Variants in SPG11 observed in about 807,000 individuals in gnomAD.
SPG11 encodes spatacsin.
SPG11 carries 222 observed loss-of-function variants against 274.0 expected under a neutral mutation model. That is an observed-to-expected ratio of 0.81 (90% CI 0.73 to 0.91). The LOEUF (loss-of-function observed/expected upper bound fraction) is 0.91. SPG11 is among the 40% of genes least tolerant of loss of function. The pLI is 0.00. For missense variants in SPG11, 3,114 were observed against 2,872.7 expected, an observed-to-expected ratio of 1.08 and a Z score of -1.92; for synonymous variants, 1,144 against 1,039.7, an observed-to-expected ratio of 1.10 and a Z score of -1.93.
chr15:44,647,945 C>G (rs577772610), intron 7 of SPG11, among the ~76,000 whole-genome samples: 1 of 152,116 alleles, frequency 6.6e-6, no homozygotes, highest in African/African-American at 2.4e-5. Flanking sequence ...AAGAAACTGG[C>G]ACATAACATT....
chr15:44,611,096 A>AGT, intron 17 of SPG11, 111 bp from the exon 18 acceptor site: 2 of 616,678 alleles, frequency 3.2e-6, no homozygotes, highest in Non-Finnish European at 4.9e-6. Flanking sequence ...CCCAGTAAAA[A>AGT]AAAAAAAAAA....
At chr15:44,621,436 C>A in intron 14 of SPG11, 1 of 324,100 alleles carries the variant, frequency 3.1e-6, no homozygotes, top group Non-Finnish European at 5.9e-6. Flanking sequence ...CCCAGATCCC[C>A]CATATCAGAT....
At chr15:44,643,247 G>T (rs2084508025) in intron 7 of SPG11, among the ~76,000 whole-genome samples, 1 of 151,994 alleles carries the variant, frequency 6.6e-6, no homozygotes, top group Non-Finnish European at 1.5e-5. Flanking sequence ...TCAGCTTCCT[G>T]ATCTATAAAA....
At chr15:44,642,346 C>CA (rs1182400635) in intron 7 of SPG11, among the ~76,000 whole-genome samples, 1 of 110,138 alleles carries the variant, frequency 9.1e-6, no homozygotes, top group Non-Finnish European at 1.7e-5. Context: ...GCCTGGGTGA[C>CA]AGAGTAAGAC....
chr15:44,629,414 A>C (rs1173472629), intron 8 of SPG11, 26 bp from the exon 9 acceptor site: 2 of 1,608,806 alleles, frequency 1.2e-6, no homozygotes, highest in African/African-American at 2.7e-5. Context: ...AGAAATTAAC[A>C]TAAAGAACAC....
chr15:44,578,594 C>T (rs2082594694), intron 30 of SPG11, among the ~76,000 whole-genome samples: 1 of 152,184 alleles, frequency 6.6e-6, no homozygotes, highest in African/African-American at 2.4e-5. Flanking sequence ...TCCTGGACTA[C>T]ACATGTATGG....
chr15:44,610,873 A>G lies in SPG11; in HGVS notation c.3258T>C (p.Ala1086=). Residue 1086 remains alanine, a synonymous_variant, in exon 18 of 40, where the codon GCT becomes GCC. Transcript: ENST00000261866. ...CACCCCCAGGAGAATACATTGTAGT[A>G]GCAAGGGCCAGGAGGGTATGTCCTT... ...LLEGHTLLAL[A]TTMYSPGGVS... 2 of 1,614,100 alleles carry G rather than the reference A, an allele frequency of 1.2e-6. No homozygotes were observed. Among genetic ancestry groups the G allele is most frequent in the Non-Finnish European group, 1.7e-6 (2 of 1,179,986 alleles).
At chr15:44,619,747 G>C (rs2141023361) in intron 15 of SPG11, among the ~76,000 whole-genome samples, 1 of 142,272 alleles carries the variant, frequency 7.0e-6, no homozygotes, top group Non-Finnish European at 1.5e-5. Context: ...TTTTGAGACA[G>C]AGTCTCACTC....
chr15:44,563,387 G>A (rs1326302715), intron 39 of SPG11, 86 bp from the exon 40 acceptor site: 85 of 1,230,108 alleles, frequency 6.9e-5, no homozygotes, highest in Non-Finnish European at 9.7e-5. Context: ...TGCCCAGGCT[G>A]GAGTGCAGAG....
chr15:44,648,789 C>G (rs1458795739), intron 7 of SPG11, 77 bp downstream of exon 7: 1 of 1,499,952 alleles, frequency 6.7e-7, no homozygotes, highest in Admixed American at 1.7e-5. Context: ...TAAATGAATT[C>G]TCTCAAATCC....
intron 27 of SPG11, 59 bp downstream of exon 27, chr15:44,592,272 G>C (rs1260969774): frequency 2.9e-6 from 3 of 1,036,412 alleles, no homozygotes; most frequent in African/African-American, 3.1e-5. Flanking sequence ...AAACAAAAAA[G>C]TCCATGCATG....
chr15:44,663,103 T>C (rs1490064260), intron 1 of SPG11, among the ~76,000 whole-genome samples: 3 of 152,274 alleles, frequency 2.0e-5, no homozygotes, highest in African/African-American at 7.2e-5. Context: ...GCGCCTCAGC[T>C]GAGACCCGTT....
At chr15:44,645,944 C>T (rs1050613181) in intron 7 of SPG11, among the ~76,000 whole-genome samples, 1 of 152,136 alleles carries the variant, frequency 6.6e-6, no homozygotes, top group African/African-American at 2.4e-5. Flanking sequence ...CATCTCACAC[C>T]AGTCAGAATG....
Position 44,570,594 on chromosome 15 carries a change from G to C in SPG11, c.6408C>G (p.Ile2136Met). The change falls in exon 34 of 40, where the codon ATC becomes ATG. Residue 2136 changes from isoleucine (I) to methionine (M), a missense_variant. Transcript: ENST00000261866. The part of the protein sequence containing the change: ...FTLTCHMEGI[I>M]RVLQAAHMLT... The stretch of plus-strand genomic sequence containing the variant: ...GCATGTGGGCGGCCTGTAGGACTCG[G>C]ATGATGCCCTCCATGTGGCACGTCA... The C allele has an allele frequency of 1.2e-6, 2 of 1,614,180 alleles. No homozygotes were observed. Among genetic ancestry groups the C allele is most frequent in the Non-Finnish European group, 1.7e-6 (2 of 1,180,014 alleles).
At chr15:44,626,182 T>G (rs868806348) in intron 11 of SPG11, 149 bp downstream of exon 11, 1 of 676,538 alleles carries the variant, frequency 1.5e-6, no homozygotes, top group Non-Finnish European at 2.3e-6. Flanking sequence ...CCAGCCATTC[T>G]CAGTGTTATT....
chr15:44,596,523 C>T (rs918140084), intron 24 of SPG11, among the ~76,000 whole-genome samples, 168 bp from the exon 25 acceptor site: 4 of 152,018 alleles, frequency 2.6e-5, no homozygotes, highest in Non-Finnish European at 4.4e-5. Flanking sequence ...AATGAATTTT[C>T]ATATTCAATC....
In SPG11 at chr15:44,656,037, C is replaced by G. The variant is rs917155058; in HGVS notation, c.869+1058G>C. Among the ~76,000 whole-genome samples, 15 of 152,036 alleles carry G rather than the reference C, an allele frequency of 9.9e-5. 1 individual carries two copies. The highest frequency in any genetic ancestry group is 7.9e-4 in the Admixed American group (12 of 15,258). ...AAAAAGAGAGGAAATGGAGAAAGGC[C>G]CCTAAGAAGGATGGAAGGAATGGGA... On this transcript the variant is annotated intron_variant, in intron 4 of 39. Transcript: ENST00000261866.
rs151137503 is a variant in SPG11, at chr15:44,595,316, T to G, written c.4578A>C (p.Thr1526=). 4 of 1,614,250 alleles carry G rather than the reference T, an allele frequency of 2.5e-6. No homozygotes were observed. The highest frequency in any genetic ancestry group is 3.4e-6 in the Non-Finnish European group (4 of 1,180,044). The change falls in exon 26 of 40, where the codon ACA becomes ACC. Residue 1526 remains threonine, a synonymous_variant. Transcript: ENST00000261866. Reference sequence around the variant, plus strand: ...TTTTGCTCTTTTGTCTTGTTAATAATGTTCTCCAGATGACTGAAAGATCCT... The same window carrying G: ...TTTTGCTCTTTTGTCTTGTTAATAAGGTTCTCCAGATGACTGAAAGATCCT... The part of the protein sequence containing the change: ...NLEDLSVIWR[T]LLTRQKSKTL...
chr15:44,636,926 A>AAAAAC (rs2084278045), intron 7 of SPG11, among the ~76,000 whole-genome samples: 1 of 98,364 alleles, frequency 1.0e-5, no homozygotes, highest in Non-Finnish European at 2.0e-5. Context: ...ACTCCATCTC[A>AAAAAC]AAAAAAAAAA....
Sources: allele counts gnomAD v4.1 joint callset (sites outside exome capture counted in the v4.1 genomes callset), GRCh38; gene constraint gnomAD v4.1.1; transcripts MANE v1.5; gene names NCBI Gene and HGNC (gene_info 2026-07-23, HGNC 2026-07-21).